Variants in POU6F2 observed in about 807,000 individuals in gnomAD.
The protein encoded by POU6F2 is POU domain, class 6, transcription factor 2.
Under a neutral mutation model 71.3 loss-of-function variants are expected in POU6F2, and 31 were observed. The ratio of observed to expected loss-of-function variants is 0.43; its 90% CI spans 0.33 to 0.59. The LOEUF (loss-of-function observed/expected upper bound fraction) is 0.59, where lower values mean the gene tolerates loss of function less well. Ranked by LOEUF, POU6F2 falls within the 20% of genes least tolerant of loss-of-function variation. The pLI, the probability that POU6F2 is intolerant of heterozygous loss-of-function variation, is 0.04. For missense variants in POU6F2, 783 were observed against 856.8 expected, an observed-to-expected ratio of 0.91 and a Z score of 1.07; for synonymous variants, 347 against 355.7, an observed-to-expected ratio of 0.98 and a Z score of 0.27.
At chr7:39,245,963 A>T (rs556487599) in intron 4 of POU6F2, among the ~76,000 whole-genome samples, 1 of 152,300 alleles carries the variant, frequency 6.6e-6, no homozygotes, top group African/African-American at 2.4e-5. Context: ...ACACTGAAAT[A>T]TTATTCATGA....
chr7:39,369,099 T>A (rs551498531), intron 5 of POU6F2, among the ~76,000 whole-genome samples: 2 of 152,312 alleles, frequency 1.3e-5, no homozygotes, highest in South Asian at 4.1e-4. Context: ...TGAGATGGAA[T>A]CTACTCCTGG....
intron 5 of POU6F2, among the ~76,000 whole-genome samples, chr7:39,346,932 C>G (rs1011014884): frequency 2.0e-5 from 3 of 152,174 alleles, no homozygotes; most frequent in Non-Finnish European, 4.4e-5. Context: ...TACTGAGCAC[C>G]TGTGCTGTGC....
At chr7:39,308,509 C>T (rs74938219) in intron 4 of POU6F2, among the ~76,000 whole-genome samples, 59 of 152,282 alleles carry the variant, frequency 3.9e-4, no homozygotes, top group East Asian at 3.7e-3. Flanking sequence ...CTAGAACCCA[C>T]GGAAAGTTGG....
rs181078622 is a variant in POU6F2, at chr7:39,103,127, T to C, written c.277+17096T>C. ...ATTGGACTAGGTGCTGAGACTATGG[T>C]GAGAAGTTAGACAGAATTGGTCCCT... On this transcript the variant is annotated intron_variant, in intron 2 of 9. Transcript: ENST00000518318. Among the ~76,000 whole-genome samples, 456 of 152,334 alleles carry C rather than the reference T, an allele frequency of 3.0e-3. 3 individuals carry two copies. Among genetic ancestry groups the C allele is most frequent in the African/African-American group, 0.01 (432 of 41,568 alleles).
intron 1 of POU6F2, among the ~76,000 whole-genome samples, chr7:39,007,733 G>A (rs1324796950): frequency 4.6e-5 from 7 of 151,276 alleles, no homozygotes; most frequent in Non-Finnish European, 8.8e-5. Flanking sequence ...GTGTCCATGT[G>A]ATCTCATTGT....
chr7:39,324,121 GA>G (rs1337504019), intron 4 of POU6F2, among the ~76,000 whole-genome samples: 20 of 127,706 alleles, frequency 1.6e-4, no homozygotes, highest in Middle Eastern at 3.9e-3. Flanking sequence ...AAAAAAAAAA[GA>G]AAAAAAAAAG....
At chr7:39,286,708 C>T (rs960258662) in intron 4 of POU6F2, among the ~76,000 whole-genome samples, 1 of 152,108 alleles carries the variant, frequency 6.6e-6, no homozygotes, top group African/African-American at 2.4e-5. Flanking sequence ...CAAAGTGTGT[C>T]CCAAGGATGC....
At chr7:39,273,707 G>A (rs1784382092) in intron 4 of POU6F2, among the ~76,000 whole-genome samples, 1 of 151,866 alleles carries the variant, frequency 6.6e-6, no homozygotes, top group East Asian at 1.9e-4. Flanking sequence ...AGTATCATCG[G>A]GGAACAGTGA....
chr7:39,030,543 T>TATATATACAC (rs1491146903), intron 1 of POU6F2, among the ~76,000 whole-genome samples: 4 of 88,014 alleles, frequency 4.5e-5, no homozygotes, highest in African/African-American at 1.6e-4. Flanking sequence ...TATATATATA[T>TATATATACAC]ACACACACAT....
intron 2 of POU6F2, among the ~76,000 whole-genome samples, chr7:39,127,120 T>A (rs1792155326): frequency 6.6e-6 from 1 of 152,248 alleles, no homozygotes; most frequent in African/African-American, 2.4e-5. Context: ...ATGTAAAGAT[T>A]ATTAGTGAGA....
intron 4 of POU6F2, among the ~76,000 whole-genome samples, chr7:39,295,410 G>A (rs1784827760): frequency 6.6e-6 from 1 of 152,192 alleles, no homozygotes; most frequent in Non-Finnish European, 1.5e-5. Flanking sequence ...GAGGTCAGGA[G>A]TTTGAGACCA....
At chr7:39,120,597 T>C (rs1428916394) in intron 2 of POU6F2, among the ~76,000 whole-genome samples, 2 of 152,248 alleles carry the variant, frequency 1.3e-5, no homozygotes, top group Non-Finnish European at 2.9e-5. Context: ...GTATTAAACA[T>C]GTTTCTATTC....
At chr7:39,070,228 T>G (rs1006515963) in intron 1 of POU6F2, among the ~76,000 whole-genome samples, 2 of 152,214 alleles carry the variant, frequency 1.3e-5, no homozygotes, top group African/African-American at 2.4e-5. Flanking sequence ...AAAAATGACT[T>G]AAATTTGAAT....
At chr7:39,408,965 C>T (rs547088659) in intron 6 of POU6F2, among the ~76,000 whole-genome samples, 7 of 152,296 alleles carry the variant, frequency 4.6e-5, no homozygotes, top group African/African-American at 1.7e-4. Context: ...GGTCAAATTA[C>T]ACCAAAAGAG....
intron 1 of POU6F2, among the ~76,000 whole-genome samples, chr7:39,059,386 C>T (rs1011295593): frequency 4.0e-5 from 6 of 151,742 alleles, no homozygotes; most frequent in African/African-American, 1.2e-4. Context: ...TAGAAACTTG[C>T]ATGTGATATT....
At chr7:39,224,151 A>G (rs1794419071) in intron 4 of POU6F2, among the ~76,000 whole-genome samples, 1 of 152,190 alleles carries the variant, frequency 6.6e-6, no homozygotes. Context: ...GAATTGGTGT[A>G]CAAAAGCCCC....
At chr7:39,044,660 T>C (rs1163611716) in intron 1 of POU6F2, among the ~76,000 whole-genome samples, 2 of 152,026 alleles carry the variant, frequency 1.3e-5, no homozygotes, top group African/African-American at 4.8e-5. Flanking sequence ...TTTCTGTTCT[T>C]ACAGGTTGTT....
intron 1 of POU6F2, among the ~76,000 whole-genome samples, chr7:39,076,049 G>C (rs1171193516): frequency 6.6e-6 from 1 of 152,208 alleles, no homozygotes; most frequent in South Asian, 2.1e-4. Context: ...AGAGAGGTAA[G>C]ATAGCTGGGT....
chr7:39,205,666 T>A (rs1208616034), intron 3 of POU6F2, among the ~76,000 whole-genome samples: 1 of 152,222 alleles, frequency 6.6e-6, no homozygotes, highest in Non-Finnish European at 1.5e-5. Context: ...CTCATTAGAA[T>A]AACTGTATTT....
Sources: gnomAD v4.1 joint callset for allele counts (sites outside exome capture counted in the v4.1 genomes callset) on GRCh38, gnomAD v4.1.1 for gene constraint, MANE v1.5 for transcripts, NCBI Gene and HGNC (gene_info 2026-07-23, HGNC 2026-07-21) for gene names.